Variants in PRX observed in about 807,000 individuals in gnomAD.
PRX encodes the protein periaxin.
A neutral mutation model predicts 29.6 loss-of-function variants in PRX; 24 were observed. That is an observed-to-expected ratio of 0.81 (90% CI 0.59 to 1.14). PRX has a LOEUF of 1.14. Among genes scored for constraint, PRX ranks in the 50% most tolerant of loss-of-function variants. The pLI, the probability that PRX is intolerant of heterozygous loss-of-function variation, is 0.00. For missense variants in PRX, 1,838 were observed against 1,926.4 expected (o/e 0.95, Z 0.86); for synonymous variants, 772 against 831.7 (o/e 0.93, Z 1.24).
rs2079462938 is a variant in PRX at position 40,398,435 on chromosome 19, T to A, written c.381+185A>T. 6.7e-7 allele frequency: 1 copy of A among 1,500,110 alleles called. No homozygotes were observed. The highest frequency in any genetic ancestry group is 1.4e-5 in the African/African-American group (1 of 71,888). The allele number at this position is 1,500,110 out of a possible 1,614,324, so 92.9% of individuals were successfully genotyped here. On this transcript the variant is annotated intron_variant, in intron 6 of 6. Transcript: ENST00000324001. This position sits in a 1 kb window ranked among gnomAD's most constrained non-coding sequence, Gnocchi z 6.3. ...GGTGGGTGAGGGCCCTGGGCTGGGG[T>A]GGGTCTGTCCCCCTTCCCGGGGAAG...
chr19:40,399,850 CCTTTCTTTCTTT>C lies in PRX; in HGVS notation c.185-1046_185-1035del, dbSNP rs59315819. On this transcript the variant is annotated intron_variant, in intron 5 of 6. Transcript: ENST00000324001. ...TGAGCCACTACACCCAGCTTTCTTT[CCTTTCTTTCTTT>C]CTTTCTTTCTTTCTTTCTTTCTTTC... Among the ~76,000 whole-genome samples the C allele has an allele frequency of 2.1e-3, 250 of 119,738 alleles. 1 individual carries two copies. Among genetic ancestry groups the C allele is most frequent in the Admixed American group, 8.2e-3 (94 of 11,532 alleles). The allele number at this position is 119,738 out of a possible 152,430, so 78.6% of individuals were successfully genotyped here.
At position 40,397,975 on chromosome 19, in the gene PRX, G is replaced by A; in HGVS notation, c.382-5C>T. Reference sequence around the variant, plus strand: ...AGGGGACAGACTCTGGATGTTCTGGGGAGAGAGGAGAGAGGCAGGAGGCGG... The same window carrying A: ...AGGGGACAGACTCTGGATGTTCTGGAGAGAGAGGAGAGAGGCAGGAGGCGG... On this transcript the variant is annotated splice_region_variant and splice_polypyrimidine_tract_variant and intron_variant, in intron 6 of 6. Coordinates refer to ENST00000324001, the MANE Select transcript of PRX (RefSeq NM_181882.3). 1 of 1,604,410 alleles carries A rather than the reference G, an allele frequency of 6.2e-7. No individual in the cohort carries two copies. The highest frequency in any genetic ancestry group is 1.1e-5 in the South Asian group (1 of 89,428).
Position 40,408,373 on chromosome 19 carries a change from G to T in PRX, c.-232C>A. On this transcript the variant is annotated 5_prime_UTR_variant, in exon 2 of 7. Coordinates refer to ENST00000324001, the MANE Select transcript of PRX (RefSeq NM_181882.3). The stretch of plus-strand genomic sequence containing the variant: ...CACCTCCAGCTCCTTGGGCCTCCTG[G>T]GTCCGGCGCTCTAAGAAGAATAATG... The T allele has an allele frequency of 3.3e-6, 1 of 300,986 alleles. No individual in the cohort carries two copies. The allele number at this position is 300,986 out of a possible 1,614,324, so 18.6% of individuals were successfully genotyped here.
At chr19:40,403,254 A>T (rs957891738) in intron 5 of PRX, among the ~76,000 whole-genome samples, 3 of 152,144 alleles carry the variant, frequency 2.0e-5, no homozygotes, top group African/African-American at 7.2e-5. Flanking sequence ...CTTCATCCAT[A>T]TCCTAAAACA....
intron 1 of PRX, among the ~76,000 whole-genome samples, chr19:40,410,302 C>T (rs1038411596): frequency 7.2e-5 from 11 of 152,198 alleles, no homozygotes; most frequent in East Asian, 3.8e-4. Context: ...AGGCCTCACG[C>T]GGCACATTCC....
chr19:40,402,497 C>T (rs558809192), intron 5 of PRX, among the ~76,000 whole-genome samples: 59 of 152,028 alleles, frequency 3.9e-4, no homozygotes, highest in South Asian at 2.3e-3. Context: ...CCCGGCTGGG[C>T]GCGGTGGCTC....
chr19:40,394,108 AC>A lies in PRX; in HGVS notation c.4243del (p.Val1415CysfsTer3). ...ACTCCGGGCCTTGGGGCTTAGGGAC[AC>A]CCTGGGGAAGCGGAACTTGGGTGAC... ...EKSPKFRFPR[V>X]SLSPKARSGS... On this transcript the variant is annotated frameshift_variant, in exon 7 of 7. Coordinates refer to ENST00000324001, the MANE Select transcript of PRX (RefSeq NM_181882.3). LOFTEE classifies it high-confidence loss of function. The surrounding 1 kb of genome is among the most constrained non-coding windows in gnomAD (Gnocchi z 5.8). 6.2e-7 allele frequency: 1 copy of A among 1,606,318 alleles called. No individual in the cohort carries two copies. The highest frequency in any genetic ancestry group is 1.1e-5 in the South Asian group (1 of 90,766).
In PRX at chr19:40,408,138, C is replaced by T; in HGVS notation, c.-100+20G>A. The T allele has an allele frequency of 1.5e-6, 1 of 663,368 alleles. No individual in the cohort carries two copies. Among genetic ancestry groups the T allele is most frequent in the Non-Finnish European group, 2.6e-6 (1 of 378,190 alleles). 41.1% of individuals were successfully genotyped at this position (663,368 alleles called of 1,614,324 possible). On this transcript the variant is annotated intron_variant, in intron 3 of 6. Coordinates refer to ENST00000324001, the MANE Select transcript of PRX (RefSeq NM_181882.3). ...GGTATTAGAAGGGGAGAAGGGCCCC[C>T]ACCCCAGCTGTCCTCTCACCGCTGC...
Position 40,398,441 on chromosome 19 carries a change from T to C in PRX, c.381+179A>G. The C allele has an allele frequency of 6.6e-7, 1 of 1,513,604 alleles. No homozygotes were observed. Among genetic ancestry groups the C allele is most frequent in the South Asian group, 1.3e-5 (1 of 78,144 alleles). 93.8% of individuals were successfully genotyped at this position (1,513,604 alleles called of 1,614,324 possible). A position where few individuals can be genotyped will look rare whatever the true frequency, so the allele number is the denominator to read the frequency against. On this transcript the variant is annotated intron_variant, in intron 6 of 6. Transcript: ENST00000324001. The surrounding 1 kb of genome is among the most constrained non-coding windows in gnomAD (Gnocchi z 6.3). The stretch of plus-strand genomic sequence containing the variant: ...TGAGGGCCCTGGGCTGGGGTGGGTC[T>C]GTCCCCCTTCCCGGGGAAGAGTTTG...
Position 40,394,139 on chromosome 19 carries a change from C to T in PRX, c.4213G>A (p.Glu1405Lys), listed in dbSNP as rs1367958458. The change falls in exon 7 of 7, where the codon GAG becomes AAG. Residue 1405 changes from glutamate to lysine, a missense_variant. Physicochemically the swap from Glu to Lys is moderately conservative, Grantham distance 56. Around this residue, in one of 3 missense-constraint regions of PRX, gnomAD observed 1,143 missense variants for 1,193.0 expected, o/e 0.96. Coordinates refer to ENST00000324001, the MANE Select transcript of PRX (RefSeq NM_181882.3). This position sits in a 1 kb window ranked among gnomAD's most constrained non-coding sequence, Gnocchi z 5.8. Reference sequence around the variant, plus strand: ...GGGAAGCGGAACTTGGGTGACTTCTCTCTGACGGGGGACTTGGGGGCTGCA... The same window carrying T: ...GGGAAGCGGAACTTGGGTGACTTCTTTCTGACGGGGGACTTGGGGGCTGCA... ...GDAAPKSPVR[E>K]KSPKFRFPRV... 2 of 1,597,994 alleles carry T rather than the reference C, an allele frequency of 1.3e-6. No homozygotes were observed.
Position 40,394,473 on chromosome 19 carries a change from C to T in PRX, c.3879G>A (p.Val1293=), listed in dbSNP as rs2079410372. 6.2e-7 allele frequency: 1 copy of T among 1,602,034 alleles called. No individual in the cohort carries two copies. The highest frequency in any genetic ancestry group is 8.5e-7 in the Non-Finnish European group (1 of 1,174,724). The change falls in exon 7 of 7, where the codon GTG becomes GTA. Residue 1293 remains valine (V), a synonymous_variant. Transcript: ENST00000324001. The surrounding 1 kb of genome is among the most constrained non-coding windows in gnomAD (Gnocchi z 5.8). The part of the protein sequence containing the change: ...PSGGNHAEYQ[V]AEGEGEAGHK... Reference sequence around the variant, plus strand: ...GTCCGGCCTCTCCCTCCCCCTCTGCCACCTGGTACTCGGCATGGTTGCCCC... The same window carrying T: ...GTCCGGCCTCTCCCTCCCCCTCTGCTACCTGGTACTCGGCATGGTTGCCCC...
At chr19:40,401,756 T>C (rs1230581244) in intron 5 of PRX, among the ~76,000 whole-genome samples, 2 of 150,324 alleles carry the variant, frequency 1.3e-5, no homozygotes, top group African/African-American at 4.9e-5. Flanking sequence ...TTTTCACCCT[T>C]TCCAGCCCAC....
chr19:40,407,212 TTGTGTGTGTGTGTGTGTGTGTGTGTGTG>T (rs72256185), intron 4 of PRX, among the ~76,000 whole-genome samples: 1 of 133,844 alleles, frequency 7.5e-6, no homozygotes, highest in Non-Finnish European at 1.6e-5. Flanking sequence ...TTATATGCCC[TTGTGTGTGTGTGTGTGTGTGTGTGTGTG>T]TGTGTGTGTG....
chr19:40,395,340 T>C lies in PRX; in HGVS notation c.3012A>G (p.Ser1004=). Reference sequence around the variant, plus strand: ...CGGCCCCTGCCACCTCTACCTTGCCTGAGGGCAGGTGGGCATCCAGGCTGA... The same window carrying C: ...CGGCCCCTGCCACCTCTACCTTGCCCGAGGGCAGGTGGGCATCCAGGCTGA... The part of the protein sequence containing the change: ...PQLSLDAHLP[S]GKVEVAGADL... Residue 1004 remains serine, a synonymous_variant, in exon 7 of 7, where the codon TCA becomes TCG. Transcript: ENST00000324001. 1 of 1,613,652 alleles carries C rather than the reference T, an allele frequency of 6.2e-7. No individual in the cohort carries two copies. Among genetic ancestry groups the C allele is most frequent in the Non-Finnish European group, 8.5e-7 (1 of 1,179,998 alleles).
At chr19:40,408,816 GGTGTGTGTGT>G (rs575859236) in intron 1 of PRX, among the ~76,000 whole-genome samples, 1 of 143,304 alleles carries the variant, frequency 7.0e-6, no homozygotes, top group Non-Finnish European at 1.5e-5. Context: ...TGTTGTTGGT[GGTGTGTGTGT>G]GTGTGTGTGT....
intron 4 of PRX, among the ~76,000 whole-genome samples, chr19:40,405,003 G>C (rs913952406): frequency 6.6e-6 from 1 of 152,266 alleles, no homozygotes. Flanking sequence ...TCTGGGATTG[G>C]GGGGACAGGG....
At chr19:40,409,623 C>A (rs1054627316) in intron 1 of PRX, among the ~76,000 whole-genome samples, 1 of 152,062 alleles carries the variant, frequency 6.6e-6, no homozygotes, top group African/African-American at 2.4e-5. Context: ...CAGGTGCCCA[C>A]CACCACGCCT....
intron 1 of PRX, 59 bp from the exon 2 acceptor site, chr19:40,408,442 G>T (rs943422177): frequency 4.2e-5 from 9 of 212,654 alleles, no homozygotes; most frequent in African/African-American, 2.1e-4. Flanking sequence ...CTTCCTGAGT[G>T]CCTGACCCTG....
intron 5 of PRX, among the ~76,000 whole-genome samples, chr19:40,402,816 A>G (rs545869532): frequency 2.0e-5 from 3 of 151,034 alleles, no homozygotes; most frequent in Admixed American, 6.6e-5. Flanking sequence ...TGTAAGCTCC[A>G]TAAGTGCAGG....
Sources: allele counts gnomAD v4.1 joint callset (sites outside exome capture counted in the v4.1 genomes callset), GRCh38; gene constraint gnomAD v4.1.1; regional missense constraint gnomAD v4.1.1; non-coding constraint Gnocchi (gnomAD v3.1); transcripts MANE v1.5; gene names NCBI Gene and HGNC (gene_info 2026-07-23, HGNC 2026-07-21).